PCDH7: variants seen among roughly 807,000 people sequenced by gnomAD.
PCDH7 encodes protocadherin-7.
A neutral mutation model predicts 58.9 loss-of-function variants in PCDH7; 17 were observed. That is an observed-to-expected ratio of 0.29 (90% CI 0.20 to 0.43). PCDH7 has a LOEUF of 0.43. Among genes scored for constraint, PCDH7 ranks in the 20% least tolerant of loss-of-function variants. The probability of loss-of-function intolerance (pLI) is 1.00; values close to 1 mark genes in which losing one functional copy is unlikely to be tolerated. For synonymous variants in PCDH7, 664 were observed against 616.4 expected (o/e 1.08, Z -1.14); for missense variants, 1,274 against 1,441.0 (o/e 0.88, Z 1.88).
At chr4:30,877,007 C>T (rs1736371523) in intron 1 of PCDH7, among the ~76,000 whole-genome samples, 1 of 152,018 alleles carries the variant, frequency 6.6e-6, no homozygotes, top group Non-Finnish European at 1.5e-5. Context: ...CCCGCACAGT[C>T]CCTGATAGGG....
At chr4:30,754,573 G>A (rs1719022649) in intron 1 of PCDH7, among the ~76,000 whole-genome samples, 2 of 151,972 alleles carry the variant, frequency 1.3e-5, no homozygotes, top group Non-Finnish European at 1.5e-5. Context: ...CAGGCTCAAG[G>A]TACTTTTATT....
intron 1 of PCDH7, among the ~76,000 whole-genome samples, chr4:30,873,749 C>A (rs1310793463): frequency 6.6e-6 from 1 of 151,968 alleles, no homozygotes; most frequent in Non-Finnish European, 1.5e-5. Flanking sequence ...AATGCAAATA[C>A]CACCTGACAC....
At chr4:30,993,256 C>T (rs1198267555) in intron 3 of PCDH7, among the ~76,000 whole-genome samples, 2 of 152,124 alleles carry the variant, frequency 1.3e-5, no homozygotes, top group South Asian at 2.1e-4. Flanking sequence ...CTACATTTCC[C>T]ATGTATGTGA....
At chr4:30,826,390 T>G (rs986041043) in intron 1 of PCDH7, among the ~76,000 whole-genome samples, 1 of 152,040 alleles carries the variant, frequency 6.6e-6, no homozygotes, top group Non-Finnish European at 1.5e-5. Context: ...AGTAAACATA[T>G]GCTTTTAAAA....
At chr4:30,779,230 G>T (rs961811620) in intron 1 of PCDH7, among the ~76,000 whole-genome samples, 4 of 151,598 alleles carry the variant, frequency 2.6e-5, no homozygotes, top group African/African-American at 9.7e-5. Flanking sequence ...TTGCCATGTT[G>T]CCCAGGCTGG....
chr4:30,800,587 T>G (rs886434513), intron 1 of PCDH7, among the ~76,000 whole-genome samples: 3 of 152,114 alleles, frequency 2.0e-5, no homozygotes, highest in Admixed American at 2.0e-4. Flanking sequence ...AAGACAGAGA[T>G]AGACAGGAAA....
intron 3 of PCDH7, among the ~76,000 whole-genome samples, chr4:30,973,725 T>C (rs1578459196): frequency 6.6e-6 from 1 of 152,234 alleles, no homozygotes; most frequent in African/African-American, 2.4e-5. Context: ...ATTCTTACGT[T>C]AGTTCAGATT....
chr4:30,782,195 A>G (rs918091453), intron 1 of PCDH7, among the ~76,000 whole-genome samples: 3 of 152,154 alleles, frequency 2.0e-5, no homozygotes, highest in Non-Finnish European at 4.4e-5. Flanking sequence ...TAGTTTAGGA[A>G]ACTTGTATAA....
chr4:31,110,528 T>C (rs1716152273), intron 3 of PCDH7, among the ~76,000 whole-genome samples: 1 of 152,234 alleles, frequency 6.6e-6, no homozygotes, highest in Non-Finnish European at 1.5e-5. Context: ...TAGTTGTTTA[T>C]CTCTCTATAT....
chr4:31,018,026 A>C (rs1447374742), intron 3 of PCDH7, among the ~76,000 whole-genome samples: 10 of 152,168 alleles, frequency 6.6e-5, no homozygotes, highest in Non-Finnish European at 4.4e-5. Flanking sequence ...TAATCCCCAG[A>C]TTTGTAACAT....
rs866695267 is a variant in PCDH7 at position 30,758,954 on chromosome 4, T to G, written c.70+34358T>G. On this transcript the variant is annotated intron_variant, in intron 1 of 3. Transcript: ENST00000509759. ...TTTGAAGAAGTGTTTTTTTTTTTTT[T>G]TTTTTGTGATACAGTCTCACTCTGT... Among the ~76,000 whole-genome samples, 928 of 149,816 alleles carry G rather than the reference T, an allele frequency of 6.2e-3. 7 individuals carry two copies. The highest frequency in any genetic ancestry group is 0.013 in the African/African-American group (522 of 40,590).
intron 1 of PCDH7, among the ~76,000 whole-genome samples, chr4:30,899,807 C>T (rs780472144): frequency 1.4e-4 from 22 of 151,934 alleles, no homozygotes; most frequent in Non-Finnish European, 2.1e-4. Flanking sequence ...TGCAATCCTA[C>T]GCATTGGGTC....
Position 30,967,518 on chromosome 4 carries a change from C to G in PCDH7, c.*7+17303C>G, listed in dbSNP as rs924458541. Among the ~76,000 whole-genome samples the G allele has an allele frequency of 6.2e-4, 95 of 152,044 alleles. 4 individuals carry two copies. Among genetic ancestry groups the G allele is most frequent in the Non-Finnish European group, 2.9e-5 (2 of 67,968 alleles). On this transcript the variant is annotated intron_variant, in intron 3 of 3. Transcript: ENST00000509759. ...AAACTACATAGACTCTGATTGGTGGCAAACATAGACAATTGTATAAACTGA... is the reference window on the plus strand; with the variant it reads ...AAACTACATAGACTCTGATTGGTGGGAAACATAGACAATTGTATAAACTGA...
chr4:30,989,823 AAG>A (rs1294338100), intron 3 of PCDH7, among the ~76,000 whole-genome samples: 6 of 152,312 alleles, frequency 3.9e-5, no homozygotes, highest in African/African-American at 1.4e-4. Context: ...TTTCAGTGAA[AAG>A]AGAGAGGGAG....
At chr4:31,092,711 A>G (rs1350496211) in intron 3 of PCDH7, among the ~76,000 whole-genome samples, 1 of 152,042 alleles carries the variant, frequency 6.6e-6, no homozygotes, top group Non-Finnish European at 1.5e-5. Context: ...AAATCGGTTG[A>G]ATAAACTAGA....
At chr4:31,085,549 C>A (rs899816844) in intron 3 of PCDH7, among the ~76,000 whole-genome samples, 1 of 151,206 alleles carries the variant, frequency 6.6e-6, no homozygotes, top group Non-Finnish European at 1.5e-5. Context: ...TGAACGAGGA[C>A]AGCTTGGAGG....
chr4:31,049,029 A>G (rs4621393), intron 3 of PCDH7, among the ~76,000 whole-genome samples: 95,646 of 152,014 alleles, frequency 0.63, 32,455 homozygotes, highest in African/African-American at 0.89. Flanking sequence ...TTTAAGTTTT[A>G]GGGTACATGT....
Position 30,722,725 on chromosome 4 carries a change from G to C in PCDH7, c.1303G>C (p.Asp435His). ...GGACGGGGTGGCCAACGTGGCCGAG[G>C]ACGTTCTGGTCGACACCCCCATCGC... Residue 435 changes from aspartate (D) to histidine (H), a missense_variant, in exon 1 of 2, where the codon GAC becomes CAC. Around this residue, in one of 3 missense-constraint regions of PCDH7, gnomAD observed 731 missense variants for 881.9 expected, o/e 0.83. Coordinates refer to ENST00000361762, the Ensembl canonical transcript of PCDH7. This position sits in a 1 kb window ranked among gnomAD's most constrained non-coding sequence, Gnocchi z 7.6. The C allele has an allele frequency of 6.2e-7, 1 of 1,613,546 alleles. No homozygotes were observed. The highest frequency in any genetic ancestry group is 2.2e-5 in the East Asian group (1 of 44,864).
chr4:30,825,507 A>C (rs1473989472), intron 1 of PCDH7, among the ~76,000 whole-genome samples: 8 of 152,154 alleles, frequency 5.3e-5, no homozygotes, highest in African/African-American at 1.9e-4. Context: ...CACATGCTTC[A>C]TTTCCTGAGG....
Sources: gnomAD v4.1 joint callset for allele counts (sites outside exome capture counted in the v4.1 genomes callset) on GRCh38, gnomAD v4.1.1 for gene constraint, gnomAD v4.1.1 regional missense constraint, Gnocchi (gnomAD v3.1) non-coding constraint, MANE v1.5 for transcripts, NCBI Gene and HGNC (gene_info 2026-07-23, HGNC 2026-07-21) for gene names.